The following CCL17 variants were observed in gnomAD, a reference collection of about 807,000 sequenced individuals.
The protein encoded by CCL17 is C-C motif chemokine ligand 17.
CCL17 carries 8 observed loss-of-function variants against 7.4 expected under a neutral mutation model. The ratio of observed to expected loss-of-function variants is 1.09; its 90% CI spans 0.64 to 1.96. CCL17 has a LOEUF of 1.96. Among genes scored for constraint, CCL17 ranks in the 30% most tolerant of loss-of-function variants. CCL17 has a pLI of 0.00. For missense variants in CCL17, 102 were observed against 113.0 expected (o/e 0.90, Z 0.44); for synonymous variants, 40 against 46.1 (o/e 0.87, Z 0.54).
rs1484092380 is a variant in CCL17 at position 57,415,184 on chromosome 16, C to T, written c.174C>T (p.Ser58=). 1.2e-6 allele frequency: 2 copies of T among 1,608,716 alleles called. No homozygotes were observed. The highest frequency in any genetic ancestry group is 1.7e-6 in the Non-Finnish European group (2 of 1,175,220). ...KTWYQTSEDC[S]RDAIVFVTVQ... ...GGTACCAGACATCTGAGGACTGCTC[C>T]AGGGATGCCATCGTGTAAGTCCCCC... Residue 58 remains serine, a synonymous_variant, in exon 3 of 4, where the codon TCC becomes TCT. Transcript: ENST00000219244. The surrounding 1 kb of genome is among the most constrained non-coding windows in gnomAD (Gnocchi z 4.5).
chr16:57,404,610 T>C (rs1902667874), upstream of CCL17, among the ~76,000 whole-genome samples: 1 of 152,114 alleles, frequency 6.6e-6, no homozygotes, highest in South Asian at 2.1e-4. Flanking sequence ...GGCTGGAGTT[T>C]GCGAGAGAAA....
intron 1 of CCL17, among the ~76,000 whole-genome samples, chr16:57,408,122 T>C (rs1275461970): frequency 6.6e-6 from 1 of 151,914 alleles, no homozygotes; most frequent in Non-Finnish European, 1.5e-5. Flanking sequence ...CATCCATCTA[T>C]CCATCCATTC....
intron 1 of CCL17, among the ~76,000 whole-genome samples, chr16:57,412,029 G>A (rs1485832148): frequency 6.6e-6 from 1 of 152,234 alleles, no homozygotes; most frequent in East Asian, 1.9e-4. Context: ...TGAGGAGGGG[G>A]CAGGGTCAGG....
chr16:57,404,166 G>C (rs1278011784), upstream of CCL17, among the ~76,000 whole-genome samples: 1 of 152,130 alleles, frequency 6.6e-6, no homozygotes, highest in African/African-American at 2.4e-5. Flanking sequence ...CACAGAACTC[G>C]CGGGGCCTCG....
At chr16:57,403,580 T>TATATTATATATATTTATAATA (rs1902646179), upstream of CCL17, among the ~76,000 whole-genome samples, 1 of 65,996 alleles carries the variant, frequency 1.5e-5, no homozygotes, top group African/African-American at 5.9e-5. Flanking sequence ...ATTTATAATA[T>TATATTATATATATTTATAATA]ATATAATATA....
In CCL17 at chr16:57,415,538, C is replaced by T. The variant is rs1449084936; in HGVS notation, c.189-227C>T. Among the ~76,000 whole-genome samples the T allele has an allele frequency of 1.3e-5, 2 of 152,188 alleles. No homozygotes were observed. The highest frequency in any genetic ancestry group is 2.4e-5 in the African/African-American group (1 of 41,448). Reference sequence around the variant, plus strand: ...TAGACTGTCTGGGGGCATGGGCAGGCTGAGGGGTGGGCACAAGTTCCTGCA... The same window carrying T: ...TAGACTGTCTGGGGGCATGGGCAGGTTGAGGGGTGGGCACAAGTTCCTGCA... On this transcript the variant is annotated intron_variant, in intron 3 of 3. Coordinates refer to ENST00000219244, the MANE Select transcript of CCL17 (RefSeq NM_002987.3). The surrounding 1 kb of genome is among the most constrained non-coding windows in gnomAD (Gnocchi z 4.5).
At chr16:57,407,818 GTCCA>G (rs1252699824) in intron 1 of CCL17, among the ~76,000 whole-genome samples, 5 of 149,522 alleles carry the variant, frequency 3.3e-5, no homozygotes, top group Middle Eastern at 3.6e-3. Flanking sequence ...CCATCCGTCT[GTCCA>G]TCCATTCATT....
Position 57,415,725 on chromosome 16 carries a change from C to T in CCL17, c.189-40C>T, listed in dbSNP as rs1304250709. The T allele has an allele frequency of 6.0e-6, 8 of 1,325,918 alleles. No individual in the cohort carries two copies. Among genetic ancestry groups the T allele is most frequent in the Non-Finnish European group, 8.7e-6 (8 of 918,608 alleles). The allele number at this position is 1,325,918 out of a possible 1,614,324, so 82.1% of individuals were successfully genotyped here. A position where few individuals can be genotyped will look rare whatever the true frequency, so the allele number is the denominator to read the frequency against. Reference sequence around the variant, plus strand: ...CGTCCCAGGGACTCTGGGGGCCCTTCCCCCCCTGCCACTCCTGGTAACGTC... The same window carrying T: ...CGTCCCAGGGACTCTGGGGGCCCTTTCCCCCCTGCCACTCCTGGTAACGTC... On this transcript the variant is annotated intron_variant, in intron 3 of 3. Transcript: ENST00000219244. This position sits in a 1 kb window ranked among gnomAD's most constrained non-coding sequence, Gnocchi z 4.5.
chr16:57,405,907 T>C (rs56918056), intron 1 of CCL17, among the ~76,000 whole-genome samples: 418 of 147,888 alleles, frequency 2.8e-3, no homozygotes, highest in African/African-American at 0.01. Flanking sequence ...CCGGGCATGG[T>C]GGCGGGCGCC....
chr16:57,412,334 C>A (rs193261533), intron 1 of CCL17, among the ~76,000 whole-genome samples: 1 of 152,150 alleles, frequency 6.6e-6, no homozygotes. Flanking sequence ...GGGAGAGGAG[C>A]GCCTGAGGCT....
At chr16:57,399,073 G>T in the CCL17 span, among the ~76,000 whole-genome samples, 11 of 152,180 alleles carry the variant, frequency 7.2e-5, no homozygotes, top group African/African-American at 2.2e-4. Flanking sequence ...TGAGAGTAGG[G>T]TGTAGGGGTT....
Position 57,415,764 on chromosome 16 carries a change from G to GT in CCL17, c.192dup (p.Val65CysfsTer22), listed in dbSNP as rs1201916749. On this transcript the variant is annotated frameshift_variant and splice_region_variant. Coordinates refer to ENST00000219244, the MANE Select transcript of CCL17 (RefSeq NM_002987.3). LOFTEE classifies it high-confidence loss of function. This position sits in a 1 kb window ranked among gnomAD's most constrained non-coding sequence, Gnocchi z 4.5. ...CCTGGTAACGTCCTCCTTCTGTGTAGTTTTGTAACTGTGCAGGGCAGGGCC... is the reference window on the plus strand; with the variant it reads ...CCTGGTAACGTCCTCCTTCTGTGTAGTTTTTGTAACTGTGCAGGGCAGGGCC... 1 of 1,606,740 alleles carries GT rather than the reference G, an allele frequency of 6.2e-7. No homozygotes were observed. The highest frequency in any genetic ancestry group is 8.5e-7 in the Non-Finnish European group (1 of 1,173,266).
rs149270105 is a variant in CCL17, at chr16:57,411,283, C to T, written c.-59-2591C>T. 7.0e-3 allele frequency among the ~76,000 whole-genome samples: 1,068 copies of T among 152,280 alleles called. 16 individuals carry two copies. The highest frequency in any genetic ancestry group is 0.025 in the African/African-American group (1,021 of 41,560). Reference sequence around the variant, plus strand: ...GAAACCCCACAACAGCAGGGTCGGGCCTCTGTCCGCCCTGCAGCCCTGGGC... The same window carrying T: ...GAAACCCCACAACAGCAGGGTCGGGTCTCTGTCCGCCCTGCAGCCCTGGGC... On this transcript the variant is annotated intron_variant, in intron 1 of 3. Transcript: ENST00000219244.
chr16:57,402,983 G>T (rs567203440), upstream of CCL17, among the ~76,000 whole-genome samples: 1 of 127,378 alleles, frequency 7.9e-6, no homozygotes, highest in African/African-American at 3.0e-5. Context: ...ATAAGTAAGC[G>T]AATGGCCTAG....
intron 2 of CCL17, among the ~76,000 whole-genome samples, 162 bp from the exon 3 acceptor site, chr16:57,414,919 G>A (rs1209062011): frequency 6.6e-6 from 1 of 151,694 alleles, no homozygotes; most frequent in Non-Finnish European, 1.5e-5. Context: ...GTAACACACA[G>A]ACACACACAC....
rs1361594595 is a variant in CCL17 at position 57,416,030 on chromosome 16, G to C, written c.*169G>C. On this transcript the variant is annotated 3_prime_UTR_variant, in exon 4 of 4. Transcript: ENST00000219244. The stretch of plus-strand genomic sequence containing the variant: ...CCCCTTGTCTGAACTGGAGCCATGG[G>C]CACAAAGGGCCCAGATTAAAGTCTT... 3.4e-6 allele frequency: 2 copies of C among 589,462 alleles called. No individual in the cohort carries two copies. The highest frequency in any genetic ancestry group is 3.7e-5 in the African/African-American group (2 of 53,486). 36.5% of individuals were successfully genotyped at this position (589,462 alleles called of 1,614,324 possible). A position where few individuals can be genotyped will look rare whatever the true frequency, so the allele number is the denominator to read the frequency against.
At chr16:57,401,691 G>A (rs1447497987), upstream of CCL17, among the ~76,000 whole-genome samples, 1 of 152,280 alleles carries the variant, frequency 6.6e-6, no homozygotes, top group Non-Finnish European at 1.5e-5. Context: ...AGGAAAGCGG[G>A]GCTCAGTGAC....
intron 1 of CCL17, among the ~76,000 whole-genome samples, chr16:57,407,814 G>A (rs111209686): frequency 1.2e-4 from 18 of 148,810 alleles, no homozygotes; most frequent in South Asian, 2.2e-4. Context: ...TCATCCATCC[G>A]TCTGTCCATC....
chr16:57,409,132 A>T (rs2146536912), intron 1 of CCL17, among the ~76,000 whole-genome samples: 1 of 152,354 alleles, frequency 6.6e-6, no homozygotes, highest in African/African-American at 2.4e-5. Flanking sequence ...ATAAACTAGC[A>T]ATCACAATAC....
Sources: gnomAD v4.1 joint callset for allele counts (sites outside exome capture counted in the v4.1 genomes callset) on GRCh38, gnomAD v4.1.1 for gene constraint, Gnocchi (gnomAD v3.1) non-coding constraint, MANE v1.5 for transcripts, NCBI Gene and HGNC (gene_info 2026-07-23, HGNC 2026-07-21) for gene names.